The following EYA4 variants were observed in gnomAD, a reference collection of about 807,000 sequenced individuals.
EYA4 encodes the protein EYA transcriptional coactivator and phosphatase 4.
EYA4 carries 31 observed loss-of-function variants against 87.9 expected under a neutral mutation model. The observed-to-expected ratio is 0.35, with a 90% confidence interval of 0.27 to 0.48. EYA4 has a LOEUF of 0.48. Ranked by LOEUF, EYA4 falls within the 20% of genes least tolerant of loss-of-function variation. The pLI is 0.99. For synonymous variants in EYA4, 263 were observed against 270.6 expected, an observed-to-expected ratio of 0.97 and a Z score of 0.28; for missense variants, 678 against 761.4, an observed-to-expected ratio of 0.89 and a Z score of 1.29.
chr6:133,428,031 A>G (rs962453928), intron 3 of EYA4, among the ~76,000 whole-genome samples: 4 of 152,188 alleles, frequency 2.6e-5, no homozygotes, highest in African/African-American at 9.6e-5. Context: ...GAGGGTTTGA[A>G]GACACACTCC....
chr6:133,525,229 TAGA>T lies in EYA4; in HGVS notation c.1822_1824del (p.Glu608del), dbSNP rs763110500. On this transcript the variant is annotated inframe_deletion, in exon 19 of 20. Transcript: ENST00000355286. ...GTGTATGTTGTAATTGGGGATGGTG[TAGA>T]AGAAGAACAGGCAGCAAAAAAGGTA... The T allele has an allele frequency of 3.0e-5, 48 of 1,613,500 alleles. No individual in the cohort carries two copies. Among genetic ancestry groups the T allele is most frequent in the Non-Finnish European group, 3.6e-5 (43 of 1,179,674 alleles).
At chr6:133,393,039 T>G (rs780802925) in intron 3 of EYA4, among the ~76,000 whole-genome samples, 1 of 152,112 alleles carries the variant, frequency 6.6e-6, no homozygotes, top group Non-Finnish European at 1.5e-5. Context: ...ATCACAGGGG[T>G]AATTAGAATG....
At chr6:133,430,190 A>G (rs1474239763) in intron 3 of EYA4, among the ~76,000 whole-genome samples, 1 of 152,224 alleles carries the variant, frequency 6.6e-6, no homozygotes, top group Non-Finnish European at 1.5e-5. Context: ...ATACCATGGA[A>G]TACTATGCAG....
At chr6:133,482,380 TGAG>T (rs1422366133) in intron 12 of EYA4, among the ~76,000 whole-genome samples, 1 of 152,204 alleles carries the variant, frequency 6.6e-6, no homozygotes, top group African/African-American at 2.4e-5. Context: ...CAGCAGACTG[TGAG>T]GAGCTCAGAG....
At chr6:133,437,391 G>T (rs1791789455) in intron 3 of EYA4, among the ~76,000 whole-genome samples, 1 of 152,160 alleles carries the variant, frequency 6.6e-6, no homozygotes, top group African/African-American at 2.4e-5. Context: ...ATAAACATGA[G>T]TTCAAGTTCT....
At chr6:133,318,468 T>C (rs1261442812) in intron 2 of EYA4, among the ~76,000 whole-genome samples, 1 of 152,222 alleles carries the variant, frequency 6.6e-6, no homozygotes, top group African/African-American at 2.4e-5. Context: ...TAATTTCAGA[T>C]CCTAGTTCGC....
chr6:133,487,159 A>G (rs1796753464), intron 13 of EYA4, among the ~76,000 whole-genome samples: 1 of 152,208 alleles, frequency 6.6e-6, no homozygotes, highest in East Asian at 1.9e-4. Flanking sequence ...AACACTGGGT[A>G]GAACTTAGCC....
chr6:133,390,105 A>C (rs1787126760), intron 3 of EYA4, among the ~76,000 whole-genome samples: 1 of 152,232 alleles, frequency 6.6e-6, no homozygotes, highest in African/African-American at 2.4e-5. Flanking sequence ...TAACCTTAAA[A>C]GTTTATATGT....
chr6:133,497,926 C>A (rs1458330553), intron 13 of EYA4, among the ~76,000 whole-genome samples: 3 of 152,024 alleles, frequency 2.0e-5, no homozygotes, highest in African/African-American at 7.2e-5. Flanking sequence ...ATTCAGGGTC[C>A]CCAAACTGCT....
chr6:133,513,184 T>G (rs1340184294), intron 16 of EYA4, 146 bp downstream of exon 16: 7 of 805,284 alleles, frequency 8.7e-6, no homozygotes, highest in Non-Finnish European at 1.2e-5. Flanking sequence ...TTCTTAGAAT[T>G]GGTGGGAAAA....
At chr6:133,249,784 G>A (rs756638396) in intron 1 of EYA4, among the ~76,000 whole-genome samples, 1 of 152,180 alleles carries the variant, frequency 6.6e-6, no homozygotes, top group Non-Finnish European at 1.5e-5. Flanking sequence ...GACCTCCAGA[G>A]TCTGAGTTGA....
chr6:133,408,494 A>C (rs1296420886), intron 3 of EYA4, among the ~76,000 whole-genome samples: 3 of 152,210 alleles, frequency 2.0e-5, no homozygotes, highest in African/African-American at 7.2e-5. Context: ...TTTGGAAAAA[A>C]AAATTAAATT....
chr6:133,249,038 T>A (rs545571426), intron 1 of EYA4, among the ~76,000 whole-genome samples: 1 of 152,220 alleles, frequency 6.6e-6, no homozygotes, highest in Non-Finnish European at 1.5e-5. Context: ...GTTAGCAAAG[T>A]TGTGGGTACT....
At chr6:133,342,441 A>T (rs1053376585) in intron 2 of EYA4, among the ~76,000 whole-genome samples, 2 of 148,780 alleles carry the variant, frequency 1.3e-5, no homozygotes, top group Admixed American at 1.3e-4. Context: ...AAGGAAGCAC[A>T]GATTCAGATC....
At chr6:133,481,235 T>C (rs1796193240) in intron 11 of EYA4, among the ~76,000 whole-genome samples, 1 of 152,144 alleles carries the variant, frequency 6.6e-6, no homozygotes, top group Non-Finnish European at 1.5e-5. Context: ...AGGCGTATGG[T>C]GTAGAAAAGA....
intron 2 of EYA4, among the ~76,000 whole-genome samples, chr6:133,285,008 GT>G (rs1777922919): frequency 6.7e-6 from 1 of 150,162 alleles, no homozygotes; most frequent in South Asian, 2.1e-4. Flanking sequence ...TTGTTTGTTT[GT>G]TTTTTGAGAT....
chr6:133,345,615 C>T (rs1157775425), intron 2 of EYA4, among the ~76,000 whole-genome samples: 2 of 152,096 alleles, frequency 1.3e-5, no homozygotes, highest in African/African-American at 4.8e-5. Context: ...TCACCTGTTT[C>T]AGTAATAAAG....
At chr6:133,253,812 G>A (rs1173019308) in intron 1 of EYA4, among the ~76,000 whole-genome samples, 1 of 151,976 alleles carries the variant, frequency 6.6e-6, no homozygotes, top group African/African-American at 2.4e-5. Flanking sequence ...ATTGTGTTGG[G>A]GCTCATTGTA....
intron 3 of EYA4, among the ~76,000 whole-genome samples, chr6:133,391,705 C>T (rs1284182366): frequency 6.6e-6 from 1 of 152,058 alleles, no homozygotes; most frequent in Non-Finnish European, 1.5e-5. Flanking sequence ...GGTCACAAAA[C>T]AGAAATGTGG....
Sources: gnomAD v4.1 joint callset for allele counts (sites outside exome capture counted in the v4.1 genomes callset) on GRCh38, gnomAD v4.1.1 for gene constraint, MANE v1.5 for transcripts, NCBI Gene and HGNC (gene_info 2026-07-23, HGNC 2026-07-21) for gene names.